INO80: variants seen among roughly 807,000 people sequenced by gnomAD.
INO80 encodes chromatin-remodeling ATPase INO80.
A neutral mutation model predicts 203.4 loss-of-function variants in INO80; 20 were observed. The ratio of observed to expected loss-of-function variants is 0.10; its 90% CI spans 0.07 to 0.14. The LOEUF (loss-of-function observed/expected upper bound fraction) is 0.14. Ranked by LOEUF, INO80 falls within the 10% of genes least tolerant of loss-of-function variation. The pLI, the probability that INO80 is intolerant of heterozygous loss-of-function variation, is 1.00. For synonymous variants in INO80, 726 were observed against 685.2 expected (o/e 1.06, Z -0.93); for missense variants, 1,419 against 1,914.4 (o/e 0.74, Z 4.83).
chr15:41,096,403 C>T, intron 1 of INO80, 50 bp from the exon 2 acceptor site: 1 of 1,310,670 alleles, frequency 7.6e-7, no homozygotes, highest in Non-Finnish European at 1.0e-6. Context: ...TCCATTCTCC[C>T]TTTCTCTTGC....
At chr15:41,024,322 T>A (rs2044342797) in intron 25 of INO80, among the ~76,000 whole-genome samples, 1 of 152,180 alleles carries the variant, frequency 6.6e-6, no homozygotes, top group Non-Finnish European at 1.5e-5. Context: ...AAATGTCCAA[T>A]ATACTTAGAG....
intron 28 of INO80, chr15:41,005,144 G>C (rs973967109): frequency 1.4e-5 from 2 of 138,750 alleles, no homozygotes; most frequent in Non-Finnish European, 3.0e-5. Context: ...GCAGTGAGCT[G>C]AGATCATGCC....
intron 24 of INO80, among the ~76,000 whole-genome samples, chr15:41,039,013 G>A (rs575021792): frequency 4.6e-5 from 7 of 152,188 alleles, no homozygotes; most frequent in African/African-American, 9.7e-5. Context: ...ATCTAAACCC[G>A]CATAGGGTGG....
chr15:41,011,882 A>T (rs1251864164), intron 27 of INO80: 2 of 152,224 alleles, frequency 1.3e-5, no homozygotes, highest in Non-Finnish European at 2.9e-5. Flanking sequence ...TGTATGGATT[A>T]CCTGGATTTA....
At chr15:41,112,193 C>T (rs890755220) in intron 1 of INO80, among the ~76,000 whole-genome samples, 3 of 152,130 alleles carry the variant, frequency 2.0e-5, no homozygotes, top group South Asian at 2.1e-4. Flanking sequence ...GAAACCACTA[C>T]GCCTGGCCAA....
chr15:41,093,192 T>C (rs7162003), intron 4 of INO80, among the ~76,000 whole-genome samples: 17,729 of 152,006 alleles, frequency 0.12, 3,206 homozygotes, highest in African/African-American at 0.39. Flanking sequence ...TTCGGGAGGC[T>C]GAGGCGGGGG....
intron 25 of INO80, chr15:41,023,341 G>A (rs147434986): frequency 4.2e-5 from 19 of 455,668 alleles, no homozygotes; most frequent in Middle Eastern, 6.5e-4. Flanking sequence ...GATGTGTGTC[G>A]CAGACCTGCA....
intron 35 of INO80, among the ~76,000 whole-genome samples, chr15:40,981,381 G>A (rs532596075): frequency 5.3e-5 from 8 of 152,350 alleles, no homozygotes; most frequent in African/African-American, 1.7e-4. Flanking sequence ...TGCCACGGCA[G>A]CCTGGACTAC....
At position 41,027,599 on chromosome 15, in the gene INO80, T is replaced by C; in HGVS notation, c.3045A>G (p.Pro1015=). 1.2e-6 allele frequency: 2 copies of C among 1,608,012 alleles called. No individual in the cohort carries two copies. The highest frequency in any genetic ancestry group is 1.7e-6 in the Non-Finnish European group (2 of 1,177,210). ...ELPSFLCVAS[P]RVTAVPLDSY... ...TCTTCCCTCCTGGAGCACTTACTCG[T>C]GGACTGGCCACACACAAAAAAGATG... Residue 1015 remains proline (P), a synonymous_variant, in exon 25 of 36, where the codon CCA becomes CCG. Transcript: ENST00000648947.
intron 4 of INO80, among the ~76,000 whole-genome samples, chr15:41,093,607 T>C (rs375600914): frequency 3.3e-5 from 5 of 152,140 alleles, no homozygotes; most frequent in African/African-American, 1.2e-4. Flanking sequence ...CTCACACCTG[T>C]AATCCCAGCA....
chr15:41,072,641 CAAA>C (rs747499405), intron 11 of INO80, among the ~76,000 whole-genome samples: 2 of 45,962 alleles, frequency 4.4e-5, no homozygotes, highest in African/African-American at 1.5e-4. Flanking sequence ...ACTCCCGCCT[CAAA>C]AAAAAAAAAA....
In INO80 at chr15:41,000,724, A is replaced by G. The variant is rs976734477; in HGVS notation, c.3498-3123T>C. ...CCTGTCTCAAAAAAAAAAAAAAAAAAAAAAAAGAAAGAAAAGAAAAGAGAA... is the reference window on the plus strand; with the variant it reads ...CCTGTCTCAAAAAAAAAAAAAAAAAGAAAAAAGAAAGAAAAGAAAAGAGAA... On this transcript the variant is annotated intron_variant, in intron 28 of 35. Transcript: ENST00000648947. 2.1e-3 allele frequency among the ~76,000 whole-genome samples: 318 copies of G among 151,168 alleles called. 3 individuals carry two copies. Among genetic ancestry groups the G allele is most frequent in the African/African-American group, 7.4e-3 (307 of 41,322 alleles).
intron 14 of INO80, among the ~76,000 whole-genome samples, chr15:41,061,120 A>C (rs993626586): frequency 2.0e-5 from 3 of 152,084 alleles, no homozygotes; most frequent in Non-Finnish European, 4.4e-5. Flanking sequence ...CAGCCTGGGC[A>C]ACATGGTGAA....
At chr15:41,100,119 G>C (rs2045785454) in intron 1 of INO80, among the ~76,000 whole-genome samples, 1 of 151,978 alleles carries the variant, frequency 6.6e-6, no homozygotes, top group Admixed American at 6.6e-5. Context: ...TTGTAGCCGA[G>C]GCTGGAATGC....
chr15:40,983,954 C>G, intron 33 of INO80, 33 bp from the exon 34 acceptor site: 1 of 1,606,468 alleles, frequency 6.2e-7, no homozygotes, highest in South Asian at 1.1e-5. Context: ...CATTACGACC[C>G]CCTGTGCTCA....
At chr15:41,066,217 A>AC (rs1368625468) in intron 14 of INO80, among the ~76,000 whole-genome samples, 6 of 151,484 alleles carry the variant, frequency 4.0e-5, no homozygotes, top group Non-Finnish European at 7.4e-5. Context: ...ACCTCAGGTG[A>AC]CCCCCCTGCC....
chr15:40,992,979 C>CATAGCA (rs2043835390), intron 29 of INO80, among the ~76,000 whole-genome samples: 2 of 152,104 alleles, frequency 1.3e-5, no homozygotes, highest in Admixed American at 1.3e-4. Flanking sequence ...CTTTTTTGTA[C>CATAGCA]AGATGGGGTC....
At chr15:41,041,866 G>C (rs1319085317) in intron 24 of INO80, among the ~76,000 whole-genome samples, 2 of 137,366 alleles carry the variant, frequency 1.5e-5, no homozygotes, top group African/African-American at 5.4e-5. Flanking sequence ...GCAGGGTCTC[G>C]CTCTGTCACT....
chr15:41,112,869 G>C (rs1406900337), intron 1 of INO80, among the ~76,000 whole-genome samples: 1 of 139,938 alleles, frequency 7.1e-6, no homozygotes, highest in African/African-American at 2.7e-5. Flanking sequence ...AACCCACTTT[G>C]TCCACTCTAA....
Sources: allele counts gnomAD v4.1 joint callset (sites outside exome capture counted in the v4.1 genomes callset), GRCh38; gene constraint gnomAD v4.1.1; transcripts MANE v1.5; gene names NCBI Gene and HGNC (gene_info 2026-07-23, HGNC 2026-07-21).